Variants in ST3GAL6 observed in about 807,000 individuals in gnomAD.
ST3GAL6 encodes the protein ST3 beta-galactoside alpha-2,3-sialyltransferase 6.
ST3GAL6 carries 31 observed loss-of-function variants against 40.5 expected under a neutral mutation model. That is an observed-to-expected ratio of 0.77 (90% CI 0.58 to 1.03). The LOEUF (loss-of-function observed/expected upper bound fraction) is 1.03. ST3GAL6 is among the 50% of genes least tolerant of loss of function. The pLI is 0.00. For synonymous variants in ST3GAL6, 129 were observed against 136.9 expected, an observed-to-expected ratio of 0.94 and a Z score of 0.40; for missense variants, 357 against 393.2, an observed-to-expected ratio of 0.91 and a Z score of 0.78.
At chr3:98,767,509 A>T (rs1379070604) in intron 1 of ST3GAL6, among the ~76,000 whole-genome samples, 1 of 152,246 alleles carries the variant, frequency 6.6e-6, no homozygotes, top group Admixed American at 6.5e-5. Flanking sequence ...TGGCACATGC[A>T]GTTGTTTAGA....
chr3:98,795,483 C>A lies in ST3GAL6; in HGVS notation c.*1722C>A, dbSNP rs1019077720. 6 of 152,118 alleles carry A rather than the reference C, an allele frequency of 3.9e-5. No individual in the cohort carries two copies. The highest frequency in any genetic ancestry group is 7.3e-5 in the Non-Finnish European group (5 of 68,032). 9.4% of individuals were successfully genotyped at this position (152,118 alleles called of 1,614,324 possible). On this transcript the variant is annotated 3_prime_UTR_variant, in exon 10 of 10. Transcript: ENST00000483910. The stretch of plus-strand genomic sequence containing the variant: ...TTTTTGAGGTGCAAAAGGAAGGTAC[C>A]AGAACTGGAATCACATGTAATCAAT...
At chr3:98,766,314 C>T (rs2107144242) in intron 1 of ST3GAL6, among the ~76,000 whole-genome samples, 1 of 151,458 alleles carries the variant, frequency 6.6e-6, no homozygotes, top group Non-Finnish European at 1.5e-5. Flanking sequence ...TTCCCTAGAC[C>T]TTCATATACT....
Position 98,794,490 on chromosome 3 carries a change from A to ATTAT in ST3GAL6, c.*732_*735dup, listed in dbSNP as rs1049415420. On this transcript the variant is annotated 3_prime_UTR_variant, in exon 10 of 10. Transcript: ENST00000483910. Reference sequence around the variant, plus strand: ...CAAGAAGGAAAAAAAAATCTTGAACATTATTTTTTTTTGCCTGACTTACTT... The same window carrying ATTAT: ...CAAGAAGGAAAAAAAAATCTTGAACATTATTTATTTTTTTTTGCCTGACTTACTT... The ATTAT allele has an allele frequency of 1.3e-5, 2 of 152,132 alleles. No homozygotes were observed. The highest frequency in any genetic ancestry group is 2.4e-5 in the African/African-American group (1 of 41,416). 9.4% of individuals were successfully genotyped at this position (152,132 alleles called of 1,614,324 possible).
intron 1 of ST3GAL6, among the ~76,000 whole-genome samples, chr3:98,738,980 A>T (rs1052386151): frequency 2.0e-5 from 3 of 152,200 alleles, no homozygotes; most frequent in Non-Finnish European, 4.4e-5. Context: ...AATTCAAAAA[A>T]ACCAAAATCA....
rs527919247 is a variant in ST3GAL6, at chr3:98,748,031, A to G, written c.-12+15499A>G. 2.3e-3 allele frequency among the ~76,000 whole-genome samples: 350 copies of G among 152,364 alleles called. 2 individuals carry two copies. The highest frequency in any genetic ancestry group is 7.7e-3 in the African/African-American group (320 of 41,578). Reference sequence around the variant, plus strand: ...ATTAATGTTTTTGTGATAAATATGCATAATATTTCCTAATGAAATAGATCA... The same window carrying G: ...ATTAATGTTTTTGTGATAAATATGCGTAATATTTCCTAATGAAATAGATCA... On this transcript the variant is annotated intron_variant, in intron 1 of 9. Transcript: ENST00000265261.
intron 6 of ST3GAL6, among the ~76,000 whole-genome samples, chr3:98,785,377 A>G (rs959607413): frequency 3.9e-5 from 6 of 152,240 alleles, no homozygotes; most frequent in African/African-American, 1.2e-4. Flanking sequence ...TAAAAAGGAT[A>G]TAACAGAGAA....
In ST3GAL6 at chr3:98,770,476, G is replaced by C. The variant is rs3772096; in HGVS notation, c.90-403G>C. On this transcript the variant is annotated intron_variant, in intron 2 of 9. Coordinates refer to ENST00000483910, the MANE Select transcript of ST3GAL6 (RefSeq NM_001323368.2). ...TCTGTGGTGTTCGCTGCCGGTGTGC[G>C]TCAGCAGATGTGGCAGGAGGAGGTA... is the stretch of plus-strand genomic sequence containing the variant. 9.5e-5 allele frequency: 17 copies of C among 178,126 alleles called. No homozygotes were observed. In the East Asian group the frequency reaches 2.8e-3, roughly 29 times the overall value. 11.0% of individuals were successfully genotyped at this position (178,126 alleles called of 1,614,324 possible).
intron 1 of ST3GAL6, among the ~76,000 whole-genome samples, chr3:98,768,206 G>T (rs1183519333): frequency 6.6e-6 from 1 of 152,120 alleles, no homozygotes; most frequent in East Asian, 1.9e-4. Context: ...CTGTTTATTG[G>T]CCTAAACATA....
intron 1 of ST3GAL6, among the ~76,000 whole-genome samples, chr3:98,757,929 G>C (rs560601640): frequency 6.6e-6 from 1 of 151,444 alleles, no homozygotes; most frequent in Non-Finnish European, 1.5e-5. Flanking sequence ...TCTGCCTCCC[G>C]GGTTCAAGCA....
At chr3:98,774,112 T>A in intron 5 of ST3GAL6, 129 bp downstream of exon 5, 1 of 680,416 alleles carries the variant, frequency 1.5e-6, no homozygotes, top group Non-Finnish European at 2.5e-6. Context: ...AACCAAAATT[T>A]CTAGTAGTAA....
intron 5 of ST3GAL6, among the ~76,000 whole-genome samples, chr3:98,778,322 G>A (rs1443821063): frequency 2.6e-5 from 4 of 152,188 alleles, no homozygotes. Flanking sequence ...GCCAGGCCAG[G>A]AGCATGTCTT....
intron 1 of ST3GAL6, among the ~76,000 whole-genome samples, chr3:98,757,624 C>T (rs1479026625): frequency 6.6e-5 from 10 of 152,240 alleles, no homozygotes; most frequent in Admixed American, 3.3e-4. Context: ...GACTCTAGTA[C>T]GTGCTTGGGT....
chr3:98,732,927 C>T (rs1354891628), intron 1 of ST3GAL6: 2 of 1,508,872 alleles, frequency 1.3e-6, no homozygotes, highest in Non-Finnish European at 1.8e-6. Context: ...GGTCTCGGAG[C>T]CCGGTGCGCC....
intron 1 of ST3GAL6, among the ~76,000 whole-genome samples, chr3:98,740,601 G>A (rs971204796): frequency 7.9e-5 from 12 of 151,860 alleles, no homozygotes; most frequent in African/African-American, 2.7e-4. Context: ...GCATGACTCC[G>A]AACAAATAGC....
chr3:98,781,680 G>A (rs1940142378), intron 5 of ST3GAL6, among the ~76,000 whole-genome samples: 1 of 152,132 alleles, frequency 6.6e-6, no homozygotes, highest in Non-Finnish European at 1.5e-5. Context: ...ATGGATGCAG[G>A]AGCCCCTGAG....
intron 5 of ST3GAL6, among the ~76,000 whole-genome samples, chr3:98,778,376 G>GA (rs1209106582): frequency 6.6e-6 from 1 of 152,192 alleles, no homozygotes; most frequent in Non-Finnish European, 1.5e-5. Flanking sequence ...TGTATTTATT[G>GA]AAAAAGAGTC....
chr3:98,780,804 G>A (rs184644343), intron 5 of ST3GAL6, among the ~76,000 whole-genome samples: 1 of 152,102 alleles, frequency 6.6e-6, no homozygotes, highest in African/African-American at 2.4e-5. Flanking sequence ...TTTGGGCCAC[G>A]CATTATCTAG....
intron 5 of ST3GAL6, chr3:98,782,237 G>T (rs981723590): frequency 5.7e-6 from 4 of 703,028 alleles, no homozygotes; most frequent in East Asian, 5.4e-5. Context: ...TGAGGCTTCC[G>T]CCTGCTGGAC....
chr3:98,789,086 C>A (rs1380383289), intron 8 of ST3GAL6, among the ~76,000 whole-genome samples: 1 of 152,164 alleles, frequency 6.6e-6, no homozygotes, highest in South Asian at 2.1e-4. Context: ...ATACTCTAGA[C>A]CCATACAGTG....
Sources: allele counts gnomAD v4.1 joint callset (sites outside exome capture counted in the v4.1 genomes callset), GRCh38; gene constraint gnomAD v4.1.1; transcripts MANE v1.5; gene names NCBI Gene and HGNC (gene_info 2026-07-23, HGNC 2026-07-21).